Variants in DPP10 observed in about 807,000 individuals in gnomAD.
DPP10 encodes inactive dipeptidyl peptidase 10.
In DPP10, 33 loss-of-function variants were observed where a neutral mutation model predicts 120.9. The observed-to-expected ratio is 0.27, with a 90% CI of 0.21 to 0.37. DPP10 has a LOEUF of 0.37. DPP10 is among the 10% of genes least tolerant of loss of function. The probability of loss-of-function intolerance (pLI) is 1.00; values close to 1 mark genes in which losing one functional copy is unlikely to be tolerated. For missense variants in DPP10, 816 were observed against 942.8 expected, an observed-to-expected ratio of 0.87 and a Z score of 1.76; for synonymous variants, 337 against 326.1, an observed-to-expected ratio of 1.03 and a Z score of -0.36.
chr2:115,324,146 C>T (rs942475551), intron 2 of DPP10, among the ~76,000 whole-genome samples: 5 of 152,040 alleles, frequency 3.3e-5, no homozygotes, highest in African/African-American at 7.2e-5. Flanking sequence ...CAGGGTGTCA[C>T]GTGCCTATAG....
At chr2:114,695,446 C>T (rs1229391501) in intron 1 of DPP10, among the ~76,000 whole-genome samples, 2 of 151,956 alleles carry the variant, frequency 1.3e-5, no homozygotes, top group African/African-American at 2.4e-5. Context: ...ATCATCGATT[C>T]CTCTGGAAAT....
At chr2:114,956,095 G>C (rs1219156627) in intron 1 of DPP10, among the ~76,000 whole-genome samples, 1 of 151,984 alleles carries the variant, frequency 6.6e-6, no homozygotes, top group East Asian at 1.9e-4. Context: ...GTCTTAGCTA[G>C]AGTAATAAGA....
At chr2:115,228,000 C>T (rs779803763) in intron 1 of DPP10, among the ~76,000 whole-genome samples, 1 of 150,530 alleles carries the variant, frequency 6.6e-6, no homozygotes, top group Non-Finnish European at 1.5e-5. Flanking sequence ...TGGCTCTCTG[C>T]AGCCTGGACC....
chr2:114,513,623 AAAAGAAAG>A (rs61159493), intron 1 of DPP10, among the ~76,000 whole-genome samples: 51 of 150,366 alleles, frequency 3.4e-4, no homozygotes, highest in East Asian at 9.8e-4. Context: ...GAAGGGAGGA[AAAAGAAAG>A]AAAGAAAGAA....
chr2:115,012,317 G>A (rs537743831), intron 1 of DPP10, among the ~76,000 whole-genome samples: 19 of 152,136 alleles, frequency 1.2e-4, no homozygotes, highest in Admixed American at 3.9e-4. Flanking sequence ...TGCATCCTGC[G>A]CACAGGACCA....
chr2:115,118,601 G>A (rs535025871), intron 1 of DPP10, among the ~76,000 whole-genome samples: 4 of 152,088 alleles, frequency 2.6e-5, no homozygotes, highest in Admixed American at 1.3e-4. Context: ...TTTTGGAGAC[G>A]GGGTCTCACT....
At chr2:114,627,556 T>G (rs1398575891) in intron 1 of DPP10, among the ~76,000 whole-genome samples, 4 of 151,968 alleles carry the variant, frequency 2.6e-5, no homozygotes, top group African/African-American at 9.7e-5. Flanking sequence ...TGGTCTTACA[T>G]AATAACTGCA....
At position 115,382,747 on chromosome 2, in the gene DPP10, C is replaced by A. The variant is rs183436477; in HGVS notation, c.271+38835C>A. 3.8e-3 allele frequency among the ~76,000 whole-genome samples: 572 copies of A among 152,290 alleles called. 1 individual carries two copies. Among genetic ancestry groups the A allele is most frequent in the African/African-American group, 0.013 (534 of 41,560 alleles). On this transcript the variant is annotated intron_variant, in intron 3 of 25. Transcript: ENST00000410059. The stretch of plus-strand genomic sequence containing the variant: ...AGCTGGAATAGTTTTTCCCTTATTG[C>A]CACTTTCCATTTACATTTGTTCCCA...
At chr2:115,687,005 C>T (rs1200436291) in intron 5 of DPP10, among the ~76,000 whole-genome samples, 1 of 151,974 alleles carries the variant, frequency 6.6e-6, no homozygotes, top group African/African-American at 2.4e-5. Context: ...ATAAGACCTA[C>T]TTAGCCGTAT....
At chr2:114,738,750 C>T (rs1056581793) in intron 1 of DPP10, among the ~76,000 whole-genome samples, 1 of 152,202 alleles carries the variant, frequency 6.6e-6, no homozygotes, top group Non-Finnish European at 1.5e-5. Context: ...ACCTGTGGCC[C>T]TTTCAGTGGC....
intron 4 of DPP10, among the ~76,000 whole-genome samples, chr2:115,514,445 T>G (rs2077395004): frequency 6.6e-6 from 1 of 151,784 alleles, no homozygotes; most frequent in Admixed American, 6.6e-5. Flanking sequence ...ATTATTTATA[T>G]GTGTCTCTTA....
At chr2:114,669,518 A>C (rs1698176653) in intron 1 of DPP10, among the ~76,000 whole-genome samples, 1 of 152,102 alleles carries the variant, frequency 6.6e-6, no homozygotes, top group Non-Finnish European at 1.5e-5. Context: ...TTTCTTTCTC[A>C]CTACAGATCA....
chr2:114,648,598 G>A (rs1440380002), intron 1 of DPP10, among the ~76,000 whole-genome samples: 1 of 152,122 alleles, frequency 6.6e-6, no homozygotes, highest in Non-Finnish European at 1.5e-5. Context: ...GAATGTATTT[G>A]CCCATTCTAA....
chr2:114,753,291 C>T (rs13424873), intron 1 of DPP10, among the ~76,000 whole-genome samples: 1,794 of 152,250 alleles, frequency 0.012, 31 homozygotes, highest in African/African-American at 0.041. Context: ...AACCCCCTCC[C>T]ACACCAAATA....
chr2:114,844,331 C>T (rs977799130), intron 1 of DPP10, among the ~76,000 whole-genome samples: 8 of 151,820 alleles, frequency 5.3e-5, no homozygotes, highest in South Asian at 2.1e-4. Context: ...TAAGATAAGA[C>T]GACAGCGGTC....
rs538890510 is a variant in DPP10, at chr2:115,146,223, G to T, written c.61-163016G>T. ...CGAATCCCATACTTCAAACCAAGCA[G>T]GATGGTGATAAAAATTCAGAATTCT... On this transcript the variant is annotated intron_variant, in intron 1 of 25. Coordinates refer to ENST00000410059, the MANE Select transcript of DPP10 (RefSeq NM_020868.6). Among the ~76,000 whole-genome samples the T allele has an allele frequency of 5.4e-4, 82 of 152,106 alleles. 1 individual carries two copies. Among genetic ancestry groups the T allele is most frequent in the Non-Finnish European group, 1.1e-3 (75 of 67,998 alleles).
At chr2:115,380,061 A>G (rs1320034481) in intron 3 of DPP10, among the ~76,000 whole-genome samples, 3 of 152,278 alleles carry the variant, frequency 2.0e-5, no homozygotes, top group East Asian at 1.9e-4. Context: ...GTAGATGTCT[A>G]TTAGGTCCAC....
chr2:115,166,504 TTATATAAATTTATAATATAAATATA>T (rs779435078), intron 1 of DPP10, among the ~76,000 whole-genome samples: 21 of 143,926 alleles, frequency 1.5e-4, no homozygotes, highest in Admixed American at 3.5e-4. Flanking sequence ...ATATTATATA[TTATATAAATTTATAATATAAATATA>T]TATATAAATT....
At chr2:114,701,085 G>T (rs971211700) in intron 1 of DPP10, among the ~76,000 whole-genome samples, 5 of 151,900 alleles carry the variant, frequency 3.3e-5, no homozygotes, top group Non-Finnish European at 5.9e-5. Flanking sequence ...AACCTACAGG[G>T]CAATATGATA....
Sources: gnomAD v4.1 joint callset for allele counts (sites outside exome capture counted in the v4.1 genomes callset) on GRCh38, gnomAD v4.1.1 for gene constraint, MANE v1.5 for transcripts, NCBI Gene and HGNC (gene_info 2026-07-23, HGNC 2026-07-21) for gene names.